The following OSBPL10 variants were observed in gnomAD, a reference collection of about 807,000 sequenced individuals.
The protein encoded by OSBPL10 is oxysterol binding protein like 10.
OSBPL10 carries 49 observed loss-of-function variants against 81.7 expected under a neutral mutation model. The observed-to-expected ratio is 0.60, with a 90% CI of 0.48 to 0.76. The LOEUF (loss-of-function observed/expected upper bound fraction) is 0.76, where lower values mean the gene tolerates loss of function less well. Among genes scored for constraint, OSBPL10 ranks in the 30% least tolerant of loss-of-function variants. The pLI is 0.00. For missense variants in OSBPL10, 923 were observed against 987.8 expected (o/e 0.93, Z 0.88); for synonymous variants, 419 against 383.6 (o/e 1.09, Z -1.08).
chr3:31,698,456 T>C (rs1377927690), intron 7 of OSBPL10, among the ~76,000 whole-genome samples: 4 of 149,244 alleles, frequency 2.7e-5, no homozygotes, highest in Non-Finnish European at 5.9e-5. Flanking sequence ...ATCTCAAAAA[T>C]ATAAAATAAA....
intron 3 of OSBPL10, among the ~76,000 whole-genome samples, chr3:31,859,172 T>TG (rs1349615188): frequency 3.3e-5 from 5 of 152,032 alleles, no homozygotes; most frequent in African/African-American, 9.7e-5. Context: ...GGTTTTTTTT[T>TG]TTGTTGTTGT....
chr3:31,730,051 T>G (rs1046449843), intron 6 of OSBPL10, among the ~76,000 whole-genome samples: 1 of 152,050 alleles, frequency 6.6e-6, no homozygotes, highest in South Asian at 2.1e-4. Context: ...GGAAAGAAAG[T>G]TAAGAGAGTG....
intron 1 of OSBPL10, among the ~76,000 whole-genome samples, chr3:31,957,236 C>A (rs1399458410): frequency 6.6e-6 from 1 of 152,206 alleles, no homozygotes; most frequent in Non-Finnish European, 1.5e-5. Flanking sequence ...TCACAACTGA[C>A]ACATAAATAT....
intron 1 of OSBPL10, among the ~76,000 whole-genome samples, chr3:31,920,516 T>C (rs1253192865): frequency 6.6e-6 from 1 of 152,234 alleles, no homozygotes; most frequent in Non-Finnish European, 1.5e-5. Context: ...CTGATAAAGT[T>C]GCTTCCCATG....
chr3:32,053,490 A>T (rs1008179605), intron 1 of OSBPL10, among the ~76,000 whole-genome samples: 1 of 152,178 alleles, frequency 6.6e-6, no homozygotes, highest in Non-Finnish European at 1.5e-5. Context: ...TTAGAGCACT[A>T]ATCTGCTCTT....
At chr3:31,703,135 C>T (rs1475304449) in intron 6 of OSBPL10, among the ~76,000 whole-genome samples, 2 of 152,160 alleles carry the variant, frequency 1.3e-5, no homozygotes, top group Non-Finnish European at 2.9e-5. Flanking sequence ...CTGCTTTCCT[C>T]GATGCAAGTT....
chr3:31,949,170 C>T lies in OSBPL10; in HGVS notation c.281+31729G>A, dbSNP rs145228299. The stretch of plus-strand genomic sequence containing the variant: ...GTTTCTTAGCCCAATGCAAATCTGC[C>T]TCAATTGTCATTCCTAAAACGCACA... On this transcript the variant is annotated intron_variant, in intron 1 of 11. Coordinates refer to ENST00000396556, the MANE Select transcript of OSBPL10 (RefSeq NM_017784.5). Among the ~76,000 whole-genome samples, 8 of 152,172 alleles carry T rather than the reference C, an allele frequency of 5.3e-5. No individual in the cohort carries two copies. The East Asian group carries it at 1.5e-3, about 29-fold the overall frequency.
chr3:31,980,833 ACACGCACG>A, intron 1 of OSBPL10, 58 bp downstream of exon 1: 1 of 1,424,526 alleles, frequency 7.0e-7, no homozygotes, highest in Non-Finnish European at 9.1e-7. Context: ...ACACATACAC[ACACGCACG>A]CACACACACA....
At chr3:31,685,540 G>A (rs1364866425) in intron 7 of OSBPL10, among the ~76,000 whole-genome samples, 2 of 152,180 alleles carry the variant, frequency 1.3e-5, no homozygotes, top group East Asian at 1.9e-4. Context: ...ATCTCATTCT[G>A]TTCCTCCTAA....
chr3:31,779,800 CACAAA>C lies in OSBPL10; in HGVS notation c.730-31685_730-31681del, dbSNP rs1197677642. Among the ~76,000 whole-genome samples the C allele has an allele frequency of 3.9e-5, 6 of 152,116 alleles. 1 individual carries two copies. The highest frequency in any genetic ancestry group is 8.8e-5 in the Non-Finnish European group (6 of 68,016). On this transcript the variant is annotated intron_variant, in intron 4 of 11. Coordinates refer to ENST00000396556, the MANE Select transcript of OSBPL10 (RefSeq NM_017784.5). ...ACTCAAGATAGACCATATGATATAC[CACAAA>C]ACAAGTCTCAAGAAATTTAAGAAAA...
In OSBPL10 at chr3:31,745,068, CG is replaced by C. The variant is rs1195893082; in HGVS notation, c.940+2841del. On this transcript the variant is annotated intron_variant, in intron 5 of 11. Coordinates refer to ENST00000396556, the MANE Select transcript of OSBPL10 (RefSeq NM_017784.5). ...AATGTCAAAAGCCTCATTGAGCTTC[CG>C]CATTTGAGATTCATTCTTAAAGCTG... is the stretch of plus-strand genomic sequence containing the variant. Among the ~76,000 whole-genome samples, 6 of 152,228 alleles carry C rather than the reference CG, an allele frequency of 3.9e-5. No homozygotes were observed. The South Asian group carries it at 6.2e-4, about 16-fold the overall frequency.
At chr3:31,663,316 GA>G in intron 11 of OSBPL10, 1 of 985,392 alleles carries the variant, frequency 1.0e-6, no homozygotes, top group Non-Finnish European at 1.2e-6. Flanking sequence ...TTTATCACTG[GA>G]AGATGAGTGG....
At chr3:31,877,654 C>T (rs1278511625) in intron 2 of OSBPL10, among the ~76,000 whole-genome samples, 1 of 151,822 alleles carries the variant, frequency 6.6e-6, no homozygotes, top group Non-Finnish European at 1.5e-5. Context: ...TCCATAAAAC[C>T]TGACTTCAGC....
intron 1 of OSBPL10, among the ~76,000 whole-genome samples, chr3:31,933,973 T>A (rs977880996): frequency 6.6e-6 from 1 of 151,652 alleles, no homozygotes; most frequent in Non-Finnish European, 1.5e-5. Flanking sequence ...TCTCTGATAG[T>A]ATGACGAAAA....
At chr3:32,030,550 G>A (rs1015057540) in intron 2 of OSBPL10, 8 of 768,394 alleles carry the variant, frequency 1.0e-5, no homozygotes, top group African/African-American at 3.4e-5. Context: ...AAAGAAAGAA[G>A]CCAAAGACAA....
chr3:31,947,894 C>A (rs1697747678), intron 1 of OSBPL10, among the ~76,000 whole-genome samples: 2 of 151,148 alleles, frequency 1.3e-5, no homozygotes, highest in Non-Finnish European at 2.9e-5. Context: ...TAAGCCCAGC[C>A]TCCGTCTGAT....
intron 1 of OSBPL10, among the ~76,000 whole-genome samples, chr3:31,890,469 T>C (rs1016962806): frequency 6.6e-6 from 1 of 152,042 alleles, no homozygotes; most frequent in African/African-American, 2.4e-5. Flanking sequence ...ATTATGAAGG[T>C]GCTCACTTGA....
intron 4 of OSBPL10, among the ~76,000 whole-genome samples, chr3:31,753,805 T>C (rs898843806): frequency 6.6e-6 from 1 of 152,198 alleles, no homozygotes; most frequent in African/African-American, 2.4e-5. Flanking sequence ...AGTCTCCACA[T>C]TGTATACCAA....
At chr3:32,047,949 G>A (rs923561319) in intron 1 of OSBPL10, among the ~76,000 whole-genome samples, 3 of 152,100 alleles carry the variant, frequency 2.0e-5, no homozygotes, top group African/African-American at 7.2e-5. Context: ...ACAGGCATAA[G>A]CCACCACGCC....
Sources: allele counts gnomAD v4.1 joint callset (sites outside exome capture counted in the v4.1 genomes callset), GRCh38; gene constraint gnomAD v4.1.1; transcripts MANE v1.5; gene names NCBI Gene and HGNC (gene_info 2026-07-23, HGNC 2026-07-21).